Variants in CCDC171 observed in about 807,000 individuals in gnomAD.
CCDC171 encodes the protein coiled-coil domain-containing protein 171.
A neutral mutation model predicts 168.2 loss-of-function variants in CCDC171; 177 were observed. That is an observed-to-expected ratio of 1.05 (90% confidence interval 0.93 to 1.19). CCDC171 has a LOEUF of 1.19. Among genes scored for constraint, CCDC171 ranks in the 50% most tolerant of loss-of-function variants. The probability of loss-of-function intolerance (pLI) is 0.00; values close to 1 mark genes in which losing one functional copy is unlikely to be tolerated. For missense variants in CCDC171, 1,991 were observed against 1,539.0 expected, an observed-to-expected ratio of 1.29 and a Z score of -4.91; for synonymous variants, 687 against 540.8, an observed-to-expected ratio of 1.27 and a Z score of -3.75.
At position 15,991,757 on chromosome 9, in the gene CCDC171, A is replaced by G. The variant is rs559324060; in HGVS notation, n.369-28832A>G. On this transcript the variant is annotated intron_variant and non_coding_transcript_variant, in intron 3 of 9. Transcript: ENST00000486641. ...AATGATAAAGGGGATATCACCACCA[A>G]CCCCACAGAAATACAAATTACCATC... 2.6e-5 allele frequency among the ~76,000 whole-genome samples: 4 copies of G among 152,322 alleles called. No homozygotes were observed. In the East Asian group the frequency reaches 5.8e-4, roughly 22 times the overall value.
chr9:15,709,196 G>T (rs562382444), intron 11 of CCDC171, among the ~76,000 whole-genome samples: 2 of 152,252 alleles, frequency 1.3e-5, no homozygotes, highest in East Asian at 3.9e-4. Flanking sequence ...ATAGAAAAAG[G>T]TTAATTCTCC....
chr9:15,910,746 C>T (rs201337245), intron 24 of CCDC171, among the ~76,000 whole-genome samples: 1 of 151,644 alleles, frequency 6.6e-6, no homozygotes, highest in Non-Finnish European at 1.5e-5. Context: ...CCTCCCTGTG[C>T]CCATATGTTC....
rs139138820 is a variant in CCDC171, at chr9:15,949,006, G to T, written c.3754-22603G>T. Reference sequence around the variant, plus strand: ...TCTCGAATTGATTTTAGTGTAAGGTGTAAGGAAGGGATCCAGTTTCAGCTT... The same window carrying T: ...TCTCGAATTGATTTTAGTGTAAGGTTTAAGGAAGGGATCCAGTTTCAGCTT... On this transcript the variant is annotated intron_variant, in intron 25 of 25. Transcript: ENST00000380701. Among the ~76,000 whole-genome samples, 811 of 152,296 alleles carry T rather than the reference G, an allele frequency of 5.3e-3. 9 individuals carry two copies. Among genetic ancestry groups the T allele is most frequent in the African/African-American group, 0.018 (763 of 41,556 alleles).
intron 21 of CCDC171, among the ~76,000 whole-genome samples, chr9:15,788,812 C>G (rs2058100972): frequency 6.6e-6 from 1 of 152,018 alleles, no homozygotes; most frequent in Admixed American, 6.6e-5. Flanking sequence ...CTTGGCCTCC[C>G]AAAGTGCTGG....
chr9:15,648,501 A>G (rs1247934609), intron 7 of CCDC171, among the ~76,000 whole-genome samples: 1 of 152,196 alleles, frequency 6.6e-6, no homozygotes, highest in African/African-American at 2.4e-5. Context: ...AGAAAACCCC[A>G]TCGTCTCAGC....
chr9:15,992,109 T>G (rs1244089323), intron 3 of CCDC171, among the ~76,000 whole-genome samples: 1 of 152,128 alleles, frequency 6.6e-6, no homozygotes, highest in Non-Finnish European at 1.5e-5. Flanking sequence ...TACCAAAGCC[T>G]GGCAGAGACA....
At chr9:15,556,897 C>T (rs13301904) in intron 1 of CCDC171, among the ~76,000 whole-genome samples, 1 of 152,158 alleles carries the variant, frequency 6.6e-6, no homozygotes, top group Non-Finnish European at 1.5e-5. Context: ...GTCGTTAATC[C>T]ATCTTGACTT....
the CCDC171 span, among the ~76,000 whole-genome samples, chr9:16,087,738 C>A: frequency 0.072 from 10,925 of 151,796 alleles, 1,207 homozygotes; most frequent in African/African-American, 0.24. Context: ...GCATTTAGCC[C>A]ATTTACATTT....
At chr9:15,703,497 T>C (rs1180588482) in intron 11 of CCDC171, among the ~76,000 whole-genome samples, 2 of 152,210 alleles carry the variant, frequency 1.3e-5, no homozygotes, top group African/African-American at 4.8e-5. Context: ...CATGTATGAG[T>C]GAAAACATGT....
chr9:15,799,135 C>CATATATAT (rs57651824), intron 21 of CCDC171, among the ~76,000 whole-genome samples: 11,420 of 108,082 alleles, frequency 0.11, 919 homozygotes, highest in Admixed American at 0.15. Flanking sequence ...TCATCATTGC[C>CATATATAT]ATATATATAT....
At chr9:15,619,562 C>G (rs2044348631) in intron 6 of CCDC171, among the ~76,000 whole-genome samples, 1 of 152,096 alleles carries the variant, frequency 6.6e-6, no homozygotes, top group African/African-American at 2.4e-5. Context: ...AAGTTGGAGG[C>G]TAGGAGAGAT....
intron 21 of CCDC171, among the ~76,000 whole-genome samples, chr9:15,828,099 A>C (rs2060088785): frequency 6.6e-6 from 1 of 152,202 alleles, no homozygotes; most frequent in East Asian, 1.9e-4. Flanking sequence ...CTAACAACAA[A>C]GAGATAGGGC....
chr9:16,043,560 T>C (rs896204530), intron 1 of CCDC171, among the ~76,000 whole-genome samples: 2 of 152,192 alleles, frequency 1.3e-5, no homozygotes, highest in Non-Finnish European at 2.9e-5. Flanking sequence ...CATGGTTCTT[T>C]TACACCTGCA....
At chr9:15,989,109 T>C (rs1473796898) in intron 3 of CCDC171, among the ~76,000 whole-genome samples, 1 of 152,176 alleles carries the variant, frequency 6.6e-6, no homozygotes, top group East Asian at 1.9e-4. Context: ...GTTTGAGATC[T>C]GAGAATGGAC....
At chr9:16,088,244 T>C in the CCDC171 span, among the ~76,000 whole-genome samples, 5 of 152,212 alleles carry the variant, frequency 3.3e-5, no homozygotes, top group East Asian at 9.6e-4. Flanking sequence ...GAGCTGTTTA[T>C]GACACACCCA....
chr9:16,055,259 T>C (rs570487303), intron 1 of CCDC171, among the ~76,000 whole-genome samples: 77 of 152,282 alleles, frequency 5.1e-4, no homozygotes, highest in African/African-American at 1.8e-3. Context: ...ATTTTAGTTC[T>C]GAGATGCCCA....
intron 11 of CCDC171, among the ~76,000 whole-genome samples, chr9:15,710,723 G>A (rs1029919158): frequency 3.3e-5 from 5 of 152,038 alleles, no homozygotes; most frequent in African/African-American, 9.7e-5. Flanking sequence ...ATCCTCCCGC[G>A]TACCTGAGAC....
At chr9:15,947,955 C>G (rs1413134162) in intron 25 of CCDC171, among the ~76,000 whole-genome samples, 10 of 151,666 alleles carry the variant, frequency 6.6e-5, no homozygotes, top group African/African-American at 9.7e-5. Flanking sequence ...GGGTATATCT[C>G]CCAATGCTAT....
At chr9:16,094,091 A>G in the CCDC171 span, among the ~76,000 whole-genome samples, 1 of 152,296 alleles carries the variant, frequency 6.6e-6, no homozygotes, top group Middle Eastern at 3.4e-3. Context: ...GTTGGACGAT[A>G]AGCAGTGTGG....
Sources: gnomAD v4.1 joint callset for allele counts (sites outside exome capture counted in the v4.1 genomes callset) on GRCh38, gnomAD v4.1.1 for gene constraint, MANE v1.5 for transcripts, NCBI Gene and HGNC (gene_info 2026-07-23, HGNC 2026-07-21) for gene names.